Variants in PSD3 observed in about 807,000 individuals in gnomAD.
The protein encoded by PSD3 is pleckstrin and Sec7 domain containing 3.
PSD3 carries 49 observed loss-of-function variants against 105.5 expected under a neutral mutation model. That is an observed-to-expected ratio of 0.46 (90% confidence interval 0.37 to 0.59). The LOEUF (loss-of-function observed/expected upper bound fraction) is 0.59, where lower values mean the gene tolerates loss of function less well. PSD3 is among the 20% of genes least tolerant of loss of function. The pLI is 0.00. For missense variants in PSD3, 1,561 were observed against 1,263.8 expected, an observed-to-expected ratio of 1.24 and a Z score of -3.57; for synonymous variants, 557 against 457.8, an observed-to-expected ratio of 1.22 and a Z score of -2.77.
intron 1 of PSD3, among the ~76,000 whole-genome samples, chr8:18,995,901 C>T (rs1047116083): frequency 1.6e-4 from 24 of 151,978 alleles, no homozygotes; most frequent in African/African-American, 5.3e-4. Context: ...GGAGCTACAA[C>T]TCAAGACCAG....
intron 14 of PSD3, among the ~76,000 whole-genome samples, chr8:18,569,441 G>C (rs568319164): frequency 1.3e-3 from 190 of 150,654 alleles, no homozygotes; most frequent in African/African-American, 4.3e-3. Flanking sequence ...AAAATCACAA[G>C]CATTCTTATA....
At chr8:19,040,537 T>C (rs562092476) in intron 1 of PSD3, among the ~76,000 whole-genome samples, 10 of 152,258 alleles carry the variant, frequency 6.6e-5, no homozygotes, top group African/African-American at 2.4e-4. Context: ...ATGAGATACC[T>C]TAGAGGATTT....
intron 9 of PSD3, among the ~76,000 whole-genome samples, chr8:18,713,180 A>T (rs1802361547): frequency 6.6e-6 from 1 of 152,238 alleles, no homozygotes; most frequent in African/African-American, 2.4e-5. Context: ...CCAGTATCAT[A>T]CTGAATGGGC....
intron 4 of PSD3, among the ~76,000 whole-genome samples, chr8:18,864,480 C>G (rs1037621163): frequency 1.3e-5 from 2 of 152,206 alleles, no homozygotes; most frequent in African/African-American, 4.8e-5. Flanking sequence ...TTTTTACAAG[C>G]TAGCGACTAA....
At chr8:18,920,389 C>G (rs948446650) in intron 2 of PSD3, among the ~76,000 whole-genome samples, 2 of 152,160 alleles carry the variant, frequency 1.3e-5, no homozygotes, top group African/African-American at 4.8e-5. Context: ...TAGTCAGACA[C>G]TTGCTTGTAC....
chr8:18,752,532 A>C (rs1395613693), intron 9 of PSD3, among the ~76,000 whole-genome samples: 1 of 21,918 alleles, frequency 4.6e-5, no homozygotes, highest in Non-Finnish European at 7.0e-5. Flanking sequence ...ATATATAATT[A>C]TATATTATAT....
intron 4 of PSD3, among the ~76,000 whole-genome samples, chr8:18,852,546 A>G (rs1815673983): frequency 6.6e-6 from 1 of 152,124 alleles, no homozygotes; most frequent in Admixed American, 6.5e-5. Context: ...TGCCCTCCAC[A>G]CTACATGAGC....
At chr8:18,961,020 C>T (rs1478792039) in intron 1 of PSD3, among the ~76,000 whole-genome samples, 7 of 151,924 alleles carry the variant, frequency 4.6e-5, no homozygotes, top group Admixed American at 4.6e-4. Context: ...CCAGGGAGGT[C>T]GATGCTGCAG....
intron 11 of PSD3, among the ~76,000 whole-genome samples, chr8:18,617,660 C>G (rs1255272801): frequency 7.1e-6 from 1 of 141,310 alleles, no homozygotes; most frequent in Non-Finnish European, 1.6e-5. Flanking sequence ...ACTTGAAAAA[C>G]CAGTTTAGGA....
intron 4 of PSD3, among the ~76,000 whole-genome samples, chr8:18,827,853 T>C: frequency 6.6e-6 from 1 of 151,290 alleles, no homozygotes. Flanking sequence ...TTGAACACCT[T>C]GGTGAATCAT....
intron 2 of PSD3, among the ~76,000 whole-genome samples, chr8:18,889,041 G>A (rs1040651139): frequency 2.0e-5 from 3 of 152,022 alleles, no homozygotes; most frequent in Non-Finnish European, 4.4e-5. Context: ...CACGGGTCAG[G>A]TTACTGAATT....
At chr8:19,051,937 T>A (rs1293301123) in intron 1 of PSD3, among the ~76,000 whole-genome samples, 1 of 152,180 alleles carries the variant, frequency 6.6e-6, no homozygotes, top group Non-Finnish European at 1.5e-5. Flanking sequence ...TAGGAAAATA[T>A]CTTCCACTGA....
At chr8:18,970,858 A>G (rs1397478131) in intron 1 of PSD3, among the ~76,000 whole-genome samples, 2 of 151,936 alleles carry the variant, frequency 1.3e-5, no homozygotes, top group Non-Finnish European at 2.9e-5. Flanking sequence ...GGGAGGCTGT[A>G]GTCCCAACTA....
intron 4 of PSD3, among the ~76,000 whole-genome samples, chr8:18,829,289 A>G (rs572332994): frequency 6.6e-6 from 1 of 152,284 alleles, no homozygotes; most frequent in African/African-American, 2.4e-5. Flanking sequence ...TAGAATTTGA[A>G]AAGTATGTTC....
intron 1 of PSD3, among the ~76,000 whole-genome samples, chr8:18,943,539 A>C (rs988251281): frequency 2.6e-5 from 4 of 152,166 alleles, no homozygotes; most frequent in Non-Finnish European, 5.9e-5. Context: ...AATGCACCCC[A>C]CAAGACATCC....
intron 9 of PSD3, chr8:18,733,888 A>T (rs986720166): frequency 6.6e-6 from 1 of 152,614 alleles, no homozygotes; most frequent in Non-Finnish European, 1.5e-5. Flanking sequence ...AATGAAAAAA[A>T]GAAAAAGAGC....
chr8:18,706,078 C>T (rs541062072), intron 9 of PSD3, among the ~76,000 whole-genome samples: 7 of 152,240 alleles, frequency 4.6e-5, no homozygotes, highest in Admixed American at 3.9e-4. Flanking sequence ...GTTGGCTCAG[C>T]GTCCAGTTCT....
At chr8:18,754,583 G>A (rs759200032) in intron 9 of PSD3, among the ~76,000 whole-genome samples, 4 of 151,964 alleles carry the variant, frequency 2.6e-5, no homozygotes, top group Non-Finnish European at 5.9e-5. Flanking sequence ...ATATGCCAGG[G>A]GGAGGATCAG....
intron 9 of PSD3, among the ~76,000 whole-genome samples, chr8:18,685,908 A>C (rs541290582): frequency 2.8e-4 from 43 of 152,270 alleles, no homozygotes; most frequent in Non-Finnish European, 5.3e-4. Flanking sequence ...GGGGATAAAG[A>C]CAGTGCACGG....
Sources: gnomAD v4.1 joint callset for allele counts (sites outside exome capture counted in the v4.1 genomes callset) on GRCh38, gnomAD v4.1.1 for gene constraint, MANE v1.5 for transcripts, NCBI Gene and HGNC (gene_info 2026-07-23, HGNC 2026-07-21) for gene names.